Variants in ADAMTS9 observed in about 807,000 individuals in gnomAD.
ADAMTS9 encodes A disintegrin and metalloproteinase with thrombospondin motifs 9.
ADAMTS9 carries 107 observed loss-of-function variants against 257.1 expected under a neutral mutation model. The observed-to-expected ratio is 0.42, with a 90% CI of 0.36 to 0.49. ADAMTS9 has a LOEUF of 0.49. Ranked by LOEUF, ADAMTS9 falls within the 20% of genes least tolerant of loss-of-function variation. The pLI, the probability that ADAMTS9 is intolerant of heterozygous loss-of-function variation, is 0.03. For synonymous variants in ADAMTS9, 982 were observed against 880.9 expected, an observed-to-expected ratio of 1.11 and a Z score of -2.03; for missense variants, 2,353 against 2,469.1, an observed-to-expected ratio of 0.95 and a Z score of 1.00.
chr3:64,588,077 C>T (rs1376031247), intron 28 of ADAMTS9: 1 of 152,094 alleles, frequency 6.6e-6, no homozygotes. Flanking sequence ...AGTTCTGTGC[C>T]ATCAGCCAGG....
At chr3:64,665,053 C>T (rs760783808) in intron 3 of ADAMTS9, among the ~76,000 whole-genome samples, 5 of 152,228 alleles carry the variant, frequency 3.3e-5, no homozygotes, top group Non-Finnish European at 7.4e-5. Flanking sequence ...AAGTAGTAAA[C>T]GCATGTTTGC....
chr3:64,631,866 A>G lies in ADAMTS9; in HGVS notation c.2235T>C (p.Cys745=). Residue 745 remains cysteine (C), a synonymous_variant, in exon 15 of 40, where the codon TGT becomes TGC. Coordinates refer to ENST00000498707, the MANE Select transcript of ADAMTS9 (RefSeq NM_182920.2). ...TTTTGCATGAAGAATTATCGCCACCACAAACCCCACATTTATCTCTCCGGG... is the reference window on the plus strand; with the variant it reads ...TTTTGCATGAAGAATTATCGCCACCGCAAACCCCACATTTATCTCTCCGGG... The part of the protein sequence containing the change: ...SKARRDKCGV[C]GGDNSSCKTV... 2 of 1,614,074 alleles carry G rather than the reference A, an allele frequency of 1.2e-6. No homozygotes were observed. The highest frequency in any genetic ancestry group is 1.7e-6 in the Non-Finnish European group (2 of 1,179,964).
Position 64,602,222 on chromosome 3 carries a change from A to G in ADAMTS9, c.3748-9T>C. The G allele has an allele frequency of 6.2e-7, 1 of 1,612,406 alleles. No homozygotes were observed. Among genetic ancestry groups the G allele is most frequent in the Non-Finnish European group, 8.5e-7 (1 of 1,179,136 alleles). Reference sequence around the variant, plus strand: ...CCACAGGTCACAGAGCACTAGGTTGAATGTTCAGAAAGAGAAAGGGTCAGT... The same window carrying G: ...CCACAGGTCACAGAGCACTAGGTTGGATGTTCAGAAAGAGAAAGGGTCAGT... On this transcript the variant is annotated splice_polypyrimidine_tract_variant and intron_variant, in intron 25 of 39. Coordinates refer to ENST00000498707, the MANE Select transcript of ADAMTS9 (RefSeq NM_182920.2).
At chr3:64,577,683 G>A (rs2083888605) in intron 28 of ADAMTS9, among the ~76,000 whole-genome samples, 1 of 151,792 alleles carries the variant, frequency 6.6e-6, no homozygotes, top group Non-Finnish European at 1.5e-5. Flanking sequence ...GGAGATGACA[G>A]TGCTGGGGCA....
At chr3:64,536,217 G>T (rs2083048045) in intron 37 of ADAMTS9, among the ~76,000 whole-genome samples, 5 of 152,142 alleles carry the variant, frequency 3.3e-5, no homozygotes, top group Admixed American at 3.3e-4. Flanking sequence ...GCCCTTTCCA[G>T]TTTAGGGATC....
chr3:64,637,828 C>T (rs1700538070), intron 12 of ADAMTS9, among the ~76,000 whole-genome samples: 1 of 152,190 alleles, frequency 6.6e-6, no homozygotes, highest in Non-Finnish European at 1.5e-5. Context: ...ACCAGCCCAT[C>T]TTTAATGATC....
intron 29 of ADAMTS9, among the ~76,000 whole-genome samples, chr3:64,566,152 G>T (rs2083540613): frequency 6.6e-6 from 1 of 152,142 alleles, no homozygotes; most frequent in African/African-American, 2.4e-5. Context: ...GCTGCAAGTG[G>T]ACAATCATTA....
chr3:64,547,035 G>A (rs922688577), intron 31 of ADAMTS9, 83 bp from the exon 32 acceptor site: 8 of 1,235,814 alleles, frequency 6.5e-6, no homozygotes, highest in African/African-American at 3.0e-5. Flanking sequence ...CACACCAAGC[G>A]CTGACCGTGT....
intron 16 of ADAMTS9, among the ~76,000 whole-genome samples, chr3:64,624,615 C>G (rs1700184804): frequency 6.6e-6 from 1 of 152,142 alleles, no homozygotes; most frequent in Admixed American, 6.5e-5. Flanking sequence ...AAAATTGACT[C>G]CCTTTCAGAT....
intron 32 of ADAMTS9, among the ~76,000 whole-genome samples, chr3:64,542,221 A>ACT (rs2083133155): frequency 9.3e-6 from 1 of 106,982 alleles, no homozygotes; most frequent in Non-Finnish European, 1.9e-5. Flanking sequence ...GTGTAATTTT[A>ACT]CACACACACA....
chr3:64,609,587 C>G (rs553247639), intron 22 of ADAMTS9, among the ~76,000 whole-genome samples: 105 of 152,114 alleles, frequency 6.9e-4, no homozygotes, highest in African/African-American at 2.4e-3. Flanking sequence ...GAGGTAAAGG[C>G]TTTCTACACT....
chr3:64,517,703 T>G (rs573834094), intron 39 of ADAMTS9, among the ~76,000 whole-genome samples: 1 of 151,980 alleles, frequency 6.6e-6, no homozygotes, highest in Non-Finnish European at 1.5e-5. Context: ...TGGTATTTCC[T>G]TCTAGTCTTT....
intron 20 of ADAMTS9, 126 bp downstream of exon 20, chr3:64,615,834 G>C (rs1420776384): frequency 8.9e-7 from 1 of 1,122,442 alleles, no homozygotes; most frequent in Non-Finnish European, 1.3e-6. Context: ...AATGGGGTCA[G>C]GCATTACAAA....
intron 31 of ADAMTS9, among the ~76,000 whole-genome samples, chr3:64,547,204 A>C (rs2083211711): frequency 6.6e-6 from 1 of 152,102 alleles, no homozygotes; most frequent in Non-Finnish European, 1.5e-5. Flanking sequence ...GGTTGCCTCA[A>C]ACCCCTTCTG....
At chr3:64,622,694 G>T (rs1559796971) in intron 16 of ADAMTS9, 108 bp from the exon 17 acceptor site, 1 of 1,210,888 alleles carries the variant, frequency 8.3e-7, no homozygotes, top group Non-Finnish European at 1.2e-6. Flanking sequence ...ACGGAATGGG[G>T]ACTTTTGAGG....
intron 14 of ADAMTS9, among the ~76,000 whole-genome samples, chr3:64,633,234 C>T (rs903221902): frequency 2.6e-5 from 4 of 152,194 alleles, no homozygotes; most frequent in Non-Finnish European, 5.9e-5. Context: ...TTGTGCAAGA[C>T]CCCCACAGAG....
intron 38 of ADAMTS9, among the ~76,000 whole-genome samples, chr3:64,527,880 G>A (rs1011753286): frequency 3.3e-5 from 5 of 152,206 alleles, no homozygotes; most frequent in African/African-American, 4.8e-5. Flanking sequence ...AAACATGAGA[G>A]TGGGCTGCAC....
At chr3:64,681,095 T>C in intron 3 of ADAMTS9, 106 bp downstream of exon 3, 1 of 1,280,218 alleles carries the variant, frequency 7.8e-7, no homozygotes, top group Non-Finnish European at 1.1e-6. Flanking sequence ...TAAACAATAA[T>C]GCATATGGTT....
intron 8 of ADAMTS9, among the ~76,000 whole-genome samples, chr3:64,653,160 A>G (rs918995362): frequency 1.3e-5 from 2 of 152,194 alleles, no homozygotes; most frequent in African/African-American, 4.8e-5. Flanking sequence ...GCAGATGAGA[A>G]AACTGAGCCA....
Sources: allele counts gnomAD v4.1 joint callset (sites outside exome capture counted in the v4.1 genomes callset), GRCh38; gene constraint gnomAD v4.1.1; transcripts MANE v1.5; gene names NCBI Gene and HGNC (gene_info 2026-07-23, HGNC 2026-07-21).